The following EBF4 variants were observed in gnomAD, a reference collection of about 807,000 sequenced individuals.
EBF4 encodes the protein transcription factor COE4.
A neutral mutation model predicts 67.1 loss-of-function variants in EBF4; 34 were observed. The observed-to-expected ratio is 0.51, with a 90% confidence interval of 0.39 to 0.67. The LOEUF is 0.67. Among genes scored for constraint, EBF4 ranks in the 30% least tolerant of loss-of-function variants. The probability of loss-of-function intolerance (pLI) is 0.00; values close to 1 mark genes in which losing one functional copy is unlikely to be tolerated. For synonymous variants in EBF4, 387 were observed against 377.7 expected (o/e 1.02, Z -0.29); for missense variants, 837 against 873.3 (o/e 0.96, Z 0.52).
chr20:2,722,004 G>A (rs1056024484), intron 6 of EBF4, among the ~76,000 whole-genome samples: 6 of 152,236 alleles, frequency 3.9e-5, no homozygotes, highest in Admixed American at 6.5e-5. Context: ...GCTTTGTTCT[G>A]GGATGTAGTT....
At chr20:2,752,988 C>T (rs928957742) in intron 14 of EBF4, among the ~76,000 whole-genome samples, 2 of 152,216 alleles carry the variant, frequency 1.3e-5, no homozygotes, top group African/African-American at 4.8e-5. Context: ...CCAGCCGCCC[C>T]CCAGCTCCCA....
chr20:2,752,521 T>C, exon 14 of EBF4: 1 of 1,251,826 alleles, frequency 8.0e-7, no homozygotes, highest in Non-Finnish European at 1.0e-6. Flanking sequence ...CCTCAATGGC[T>C]CCACCGCCAC....
At chr20:2,721,717 A>C (rs1195531865) in intron 6 of EBF4, among the ~76,000 whole-genome samples, 1 of 152,202 alleles carries the variant, frequency 6.6e-6, no homozygotes, top group Non-Finnish European at 1.5e-5. Context: ...AGCCTGCCAA[A>C]GTGCTGGAAT....
chr20:2,739,686 CAG>C lies in EBF4; in HGVS notation c.558-8862_558-8861del, dbSNP rs2087940764. Among the ~76,000 whole-genome samples the C allele has an allele frequency of 6.6e-6, 1 of 152,232 alleles. No individual in the cohort carries two copies. On this transcript the variant is annotated intron_variant, in intron 6 of 16. Transcript: ENST00000609451. This position sits in a 1 kb window ranked among gnomAD's most constrained non-coding sequence, Gnocchi z 4.5. ...TGAGCTGAGGGTAGAGAGAAGCAGACAGTGAACACGCTGGAGAGCCAGAAACT... is the reference window on the plus strand; with the variant it reads ...TGAGCTGAGGGTAGAGAGAAGCAGACTGAACACGCTGGAGAGCCAGAAACT...
At chr20:2,750,888 C>T (rs955380425) in intron 10 of EBF4, among the ~76,000 whole-genome samples, 1 of 152,194 alleles carries the variant, frequency 6.6e-6, no homozygotes, top group South Asian at 2.1e-4. Context: ...AGGACCGATC[C>T]CCAGAAGTGA....
chr20:2,717,014 A>G (rs573404977), intron 6 of EBF4, among the ~76,000 whole-genome samples: 123 of 152,318 alleles, frequency 8.1e-4, no homozygotes, highest in Middle Eastern at 3.4e-3. Context: ...GTTTTAAGCA[A>G]TATTACAATG....
chr20:2,749,992 G>C lies in EBF4; in HGVS notation c.1018+19G>C, dbSNP rs1452414046. The C allele has an allele frequency of 1.3e-6, 2 of 1,543,048 alleles. No individual in the cohort carries two copies. Among genetic ancestry groups the C allele is most frequent in the African/African-American group, 2.7e-5 (2 of 72,912 alleles). The stretch of plus-strand genomic sequence containing the variant: ...TACACAGGTAAGGAGTCGGGCGGGG[G>C]AGTGGAGGTCTAAGGTGCGCGGAGG... On this transcript the variant is annotated intron_variant, in intron 10 of 16. Transcript: ENST00000609451.
rs1687440719 is a variant in EBF4 at position 2,752,554 on chromosome 20, C to T, written c.1540+9C>T. On this transcript the variant is annotated intron_variant, in intron 14 of 16. Transcript: ENST00000609451. ...CACCTCGCCCTTCGCCAGTGAGTGT[C>T]CCCCGCCCGCGAGGGAAGGTCTGGG... 3 of 1,237,580 alleles carry T rather than the reference C, an allele frequency of 2.4e-6. No homozygotes were observed. Among genetic ancestry groups the T allele is most frequent in the South Asian group, 3.7e-5 (1 of 26,698 alleles). The allele number at this position is 1,237,580 out of a possible 1,614,324, so 76.7% of individuals were successfully genotyped here. A position where few individuals can be genotyped will look rare whatever the true frequency, so the allele number is the denominator to read the frequency against.
At chr20:2,706,367 T>A (rs1456198358) in intron 4 of EBF4, 103 bp downstream of exon 4, 2 of 1,351,182 alleles carry the variant, frequency 1.5e-6, no homozygotes, top group Non-Finnish European at 2.1e-6. Context: ...CATCTCCCTA[T>A]GCCCTCCGTC....
rs533027981 is a variant in EBF4 at position 2,696,489 on chromosome 20, T to TA, written c.137+2710dup. ...TGTGCCTCAAAAATAAATAAGTAAA[T>TA]AAATAAAATAAAATAAAATAAAGTG... is the stretch of plus-strand genomic sequence containing the variant. On this transcript the variant is annotated intron_variant, in intron 1 of 16. Transcript: ENST00000609451. The surrounding 1 kb of genome is among the most constrained non-coding windows in gnomAD (Gnocchi z 4.7). Among the ~76,000 whole-genome samples the TA allele has an allele frequency of 6.5e-4, 99 of 151,780 alleles. No individual in the cohort carries two copies. The highest frequency in any genetic ancestry group is 2.2e-3 in the African/African-American group (89 of 41,348).
chr20:2,736,919 A>G (rs964811224), intron 6 of EBF4, among the ~76,000 whole-genome samples: 2 of 152,176 alleles, frequency 1.3e-5, no homozygotes, highest in Non-Finnish European at 2.9e-5. Context: ...CCATGCTGAG[A>G]CAGGAGCAGA....
chr20:2,739,367 C>A lies in EBF4; in HGVS notation c.558-9182C>A, dbSNP rs80061592. Among the ~76,000 whole-genome samples the A allele has an allele frequency of 6.6e-6, 1 of 152,090 alleles. No individual in the cohort carries two copies. The highest frequency in any genetic ancestry group is 1.9e-4 in the East Asian group (1 of 5,146). On this transcript the variant is annotated intron_variant, in intron 6 of 16. Coordinates refer to ENST00000609451, the Ensembl canonical transcript of EBF4. This position sits in a 1 kb window ranked among gnomAD's most constrained non-coding sequence, Gnocchi z 4.5. ...ATGGAGGGCCCTGCCTCCTACTTCT[C>A]GGTGAGATCCTCCAAGACCCATCAC...
rs1401881837 is a variant in EBF4, at chr20:2,705,227, C to A, written c.138-350C>A. 4.6e-5 allele frequency among the ~76,000 whole-genome samples: 7 copies of A among 152,366 alleles called. No homozygotes were observed. The East Asian group carries it at 1.3e-3, about 29-fold the overall frequency. On this transcript the variant is annotated intron_variant, in intron 1 of 16. Transcript: ENST00000609451. ...AAGGGCAGTCACAAGAGCCTCTGGT[C>A]AGAAAGACAGATTGGTTCATACTTT... is the stretch of plus-strand genomic sequence containing the variant.
At chr20:2,705,585 G>T (rs1470929184) in exon 2 of EBF4, 1 of 1,551,940 alleles carries the variant, frequency 6.4e-7, no homozygotes. Context: ...AGTGGCGTGG[G>T]TCTGGCACGA....
At position 2,751,128 on chromosome 20, in the gene EBF4, C is replaced by T. The variant is rs2088138805; in HGVS notation, c.1019-572C>T. Among the ~76,000 whole-genome samples the T allele has an allele frequency of 6.6e-6, 1 of 152,002 alleles. No homozygotes were observed. ...CAGGGTAAGCAGTGAACACAACACA[C>T]GTGGAGATGCAATGTAGAATCTGGC... is the stretch of plus-strand genomic sequence containing the variant. On this transcript the variant is annotated intron_variant, in intron 10 of 16. Coordinates refer to ENST00000609451, the Ensembl canonical transcript of EBF4. The surrounding 1 kb of genome is among the most constrained non-coding windows in gnomAD (Gnocchi z 5.2).
intron 6 of EBF4, among the ~76,000 whole-genome samples, chr20:2,740,457 G>A (rs1435817611): frequency 1.3e-5 from 2 of 152,212 alleles, no homozygotes; most frequent in South Asian, 2.1e-4. Flanking sequence ...CTGTAATCTA[G>A]ACACGTTCTT....
chr20:2,737,053 T>A (rs538867223), intron 6 of EBF4, among the ~76,000 whole-genome samples: 3 of 151,690 alleles, frequency 2.0e-5, no homozygotes, highest in Admixed American at 1.3e-4. Context: ...ATGGAGACCA[T>A]CCTGGCTAAC....
chr20:2,737,021 GGGCA>G (rs2087889717), intron 6 of EBF4, among the ~76,000 whole-genome samples: 1 of 152,052 alleles, frequency 6.6e-6, no homozygotes, highest in African/African-American at 2.4e-5. Flanking sequence ...AGGCCAAGGT[GGGCA>G]GATCACAAGG....
Position 2,755,587 on chromosome 20 carries a change from CT to C in EBF4, c.1541-38del. On this transcript the variant is annotated intron_variant, in intron 14 of 16. Coordinates refer to ENST00000609451, the Ensembl canonical transcript of EBF4. This position sits in a 1 kb window ranked among gnomAD's most constrained non-coding sequence, Gnocchi z 4.7. Reference sequence around the variant, plus strand: ...GTCTCCCTGTTGTGTCTCCCACCACCTTCCCTGCTGCGCCTGCCCCTCCCCG... The same window carrying C: ...GTCTCCCTGTTGTGTCTCCCACCACCTCCCTGCTGCGCCTGCCCCTCCCCG... 9.5e-7 allele frequency: 1 copy of C among 1,047,224 alleles called. No homozygotes were observed. The highest frequency in any genetic ancestry group is 1.4e-6 in the Non-Finnish European group (1 of 693,814). The allele number at this position is 1,047,224 out of a possible 1,614,324, so 64.9% of individuals were successfully genotyped here.
Sources: allele counts gnomAD v4.1 joint callset (sites outside exome capture counted in the v4.1 genomes callset), GRCh38; gene constraint gnomAD v4.1.1; non-coding constraint Gnocchi (gnomAD v3.1); transcripts MANE v1.5; gene names NCBI Gene and HGNC (gene_info 2026-07-23, HGNC 2026-07-21).